Variants in ZNF121 observed in about 807,000 individuals in gnomAD.
ZNF121 encodes zinc finger protein 121 (clone ZHC32).
Under a neutral mutation model 2.4 loss-of-function variants are expected in ZNF121, and 1 was observed. The observed-to-expected ratio is 0.41, with a 90% CI of 0.15 to 1.94. The LOEUF (loss-of-function observed/expected upper bound fraction) is 1.94, where lower values mean the gene tolerates loss of function less well. Ranked by LOEUF, ZNF121 falls within the 30% of genes most tolerant of loss-of-function variation. The pLI is 0.30. For synonymous variants in ZNF121, 173 were observed against 158.6 expected (o/e 1.09, Z -0.68); for missense variants, 369 against 466.3 (o/e 0.79, Z 1.92).
At chr19:9,578,069 TGGTGCCTGTAGTCCCAGTGGTG>T (rs1291170249) in intron 1 of ZNF121, among the ~76,000 whole-genome samples, 2 of 149,660 alleles carry the variant, frequency 1.3e-5, no homozygotes, top group African/African-American at 4.9e-5. Context: ...TAGCCTGGCG[TGGTGCCTGTAGTCCCAGTGGTG>T]GGTGCCTGTA....
rs34814047 is a variant in ZNF121 at position 9,562,161 on chromosome 19, ATTTTTT to A, written c.*3773_*3778del. On this transcript the variant is annotated 3_prime_UTR_variant, in exon 4 of 4. Coordinates refer to ENST00000320451, the MANE Select transcript of ZNF121 (RefSeq NM_001008727.5). ...ATTATACTTACTGTGGTGCTGTGTG[ATTTTTT>A]TTTTTTTTTTTTTTTGAGAAGGAAT... is the stretch of plus-strand genomic sequence containing the variant. The A allele has an allele frequency of 2.0e-4, 22 of 108,062 alleles. No homozygotes were observed. The highest frequency in any genetic ancestry group is 6.0e-4 in the African/African-American group (17 of 28,238). The allele number at this position is 108,062 out of a possible 1,614,324, so 6.7% of individuals were successfully genotyped here.
At chr19:9,575,882 G>A (rs1035020966) in intron 1 of ZNF121, among the ~76,000 whole-genome samples, 6 of 140,624 alleles carry the variant, frequency 4.3e-5, no homozygotes, top group African/African-American at 1.7e-4. Flanking sequence ...TCTAAAGGGA[G>A]ATACACACTG....
Position 9,564,031 on chromosome 19 carries a change from G to C in ZNF121, c.*1909C>G, listed in dbSNP as rs2074115286. 6.6e-6 allele frequency: 1 copy of C among 152,120 alleles called. No homozygotes were observed. The highest frequency in any genetic ancestry group is 2.4e-5 in the African/African-American group (1 of 41,406). The allele number at this position is 152,120 out of a possible 1,614,324, so 9.4% of individuals were successfully genotyped here. ...TGCTAACCGCAGCCCATGGATTCTG[G>C]AATAATTCTGACTTTCAAGTCTTAT... is the stretch of plus-strand genomic sequence containing the variant. On this transcript the variant is annotated 3_prime_UTR_variant, in exon 4 of 4. Transcript: ENST00000320451.
At chr19:9,568,207 T>C (rs1335094280) in intron 2 of ZNF121, 32 bp from the exon 3 acceptor site, 14 of 1,128,768 alleles carry the variant, frequency 1.2e-5, no homozygotes, top group South Asian at 1.7e-5. Flanking sequence ...GAAAAAAAAA[T>C]AGGGTCTGAG....
chr19:9,562,468 T>C lies in ZNF121; in HGVS notation c.*3472A>G. 1 of 237,966 alleles carries C rather than the reference T, an allele frequency of 4.2e-6. No homozygotes were observed. Among genetic ancestry groups the C allele is most frequent in the Non-Finnish European group, 9.3e-6 (1 of 107,410 alleles). 14.7% of individuals were successfully genotyped at this position (237,966 alleles called of 1,614,324 possible). A position where few individuals can be genotyped will look rare whatever the true frequency, so the allele number is the denominator to read the frequency against. Reference sequence around the variant, plus strand: ...TGTGAGCCACCGTGCCCGGCTGCTCTGTGATCTTTGATGTTCCTATTTTAA... The same window carrying C: ...TGTGAGCCACCGTGCCCGGCTGCTCCGTGATCTTTGATGTTCCTATTTTAA... On this transcript the variant is annotated 3_prime_UTR_variant, in exon 4 of 4. Coordinates refer to ENST00000320451, the MANE Select transcript of ZNF121 (RefSeq NM_001008727.5).
At chr19:9,572,146 C>A (rs1421913082) in intron 1 of ZNF121, among the ~76,000 whole-genome samples, 1 of 152,116 alleles carries the variant, frequency 6.6e-6, no homozygotes, top group Non-Finnish European at 1.5e-5. Flanking sequence ...TGGTTTCAAT[C>A]CCCTGACAGA....
intron 1 of ZNF121, among the ~76,000 whole-genome samples, chr19:9,582,662 T>C (rs1157238141): frequency 6.6e-5 from 10 of 151,612 alleles, no homozygotes; most frequent in African/African-American, 2.4e-4. Context: ...GGCAGGAGAA[T>C]TACTTGAACC....
intron 2 of ZNF121, among the ~76,000 whole-genome samples, 154 bp from the exon 3 acceptor site, chr19:9,568,329 G>A (rs1336430865): frequency 6.6e-6 from 1 of 151,466 alleles, no homozygotes; most frequent in South Asian, 2.1e-4. Context: ...TATCCATGAC[G>A]AACATTTGGC....
chr19:9,578,255 A>G (rs887681552), intron 1 of ZNF121, among the ~76,000 whole-genome samples: 8 of 151,126 alleles, frequency 5.3e-5, no homozygotes, highest in African/African-American at 7.3e-5. Context: ...TTAGCCAGAC[A>G]TGGTGGTGCG....
At position 9,566,277 on chromosome 19, in the gene ZNF121, G is replaced by C. The variant is rs761820655; in HGVS notation, c.836C>G (p.Thr279Ser). 1 of 1,614,100 alleles carries C rather than the reference G, an allele frequency of 6.2e-7. No individual in the cohort carries two copies. The highest frequency in any genetic ancestry group is 8.5e-7 in the Non-Finnish European group (1 of 1,180,018). ...SCLKNHFRIH[T>S]GIKPYKCKEC... ...CTTACATTTATAGGGTTTTATTCCAGTGTGAATTCTAAAGTGATTCTTAAG... is the reference window on the plus strand; with the variant it reads ...CTTACATTTATAGGGTTTTATTCCACTGTGAATTCTAAAGTGATTCTTAAG... Residue 279 changes from threonine to serine, a missense_variant, in exon 4 of 4, where the codon ACT (threonine) becomes AGT (serine). This residue lies in a region of ZNF121 where 127 missense variants were observed against 169.9 expected (regional missense o/e 0.75). Coordinates refer to ENST00000320451, the MANE Select transcript of ZNF121 (RefSeq NM_001008727.5).
At chr19:9,579,704 CAGTT>C (rs2074235732) in intron 1 of ZNF121, among the ~76,000 whole-genome samples, 2 of 152,204 alleles carry the variant, frequency 1.3e-5, no homozygotes, top group South Asian at 2.1e-4. Flanking sequence ...GTAAAATACA[CAGTT>C]AGAAGAAATA....
Position 9,565,513 on chromosome 19 carries a change from T to C in ZNF121, c.*427A>G, listed in dbSNP as rs2074124513. Reference sequence around the variant, plus strand: ...GGTGAAACCCCATCTCTACTAAAAATACAAAAATTAGCTGGGTGTGGTTGA... The same window carrying C: ...GGTGAAACCCCATCTCTACTAAAAACACAAAAATTAGCTGGGTGTGGTTGA... On this transcript the variant is annotated 3_prime_UTR_variant, in exon 4 of 4. Transcript: ENST00000320451. The C allele has an allele frequency of 2.0e-5, 3 of 150,490 alleles. No individual in the cohort carries two copies. Among genetic ancestry groups the C allele is most frequent in the Non-Finnish European group, 4.4e-5 (3 of 67,814 alleles). 9.3% of individuals were successfully genotyped at this position (150,490 alleles called of 1,614,324 possible).
intron 1 of ZNF121, among the ~76,000 whole-genome samples, chr19:9,570,114 G>T (rs921109038): frequency 6.6e-6 from 1 of 151,954 alleles, no homozygotes; most frequent in African/African-American, 2.4e-5. Context: ...GCTGAGGCAG[G>T]AGAATCGCTT....
intron 3 of ZNF121, chr19:9,567,820 T>C (rs1040562221): frequency 3.1e-6 from 1 of 322,496 alleles, no homozygotes; most frequent in African/African-American, 2.1e-5. Context: ...CGAATGCTGC[T>C]ACTGACAGGT....
Position 9,565,689 on chromosome 19 carries a change from A to G in ZNF121, c.*251T>C, listed in dbSNP as rs2074126023. On this transcript the variant is annotated 3_prime_UTR_variant, in exon 4 of 4. Transcript: ENST00000320451. ...TGTCTCAAATAAAATAAAATAAAAT[A>G]AAATAAAATAAAATAAAATAAAATA... 9.2e-6 allele frequency: 1 copy of G among 108,852 alleles called. No homozygotes were observed. The highest frequency in any genetic ancestry group is 1.7e-5 in the Non-Finnish European group (1 of 59,700). The allele number at this position is 108,852 out of a possible 1,614,324, so 6.7% of individuals were successfully genotyped here.
chr19:9,568,057 T>A, intron 3 of ZNF121, 38 bp downstream of exon 3: 1 of 1,236,758 alleles, frequency 8.1e-7, no homozygotes. Context: ...AATCCCAATC[T>A]TTTTTTGAGT....
chr19:9,568,499 C>T (rs189562550), intron 2 of ZNF121, among the ~76,000 whole-genome samples: 34 of 151,952 alleles, frequency 2.2e-4, no homozygotes, highest in Admixed American at 1.3e-3. Context: ...CCTCAGCCTC[C>T]GAGTAGCTTG....
Sources: allele counts gnomAD v4.1 joint callset (sites outside exome capture counted in the v4.1 genomes callset), GRCh38; gene constraint gnomAD v4.1.1; regional missense constraint gnomAD v4.1.1; transcripts MANE v1.5; gene names NCBI Gene and HGNC (gene_info 2026-07-23, HGNC 2026-07-21).